Variants in SPIDR observed in about 807,000 individuals in gnomAD.
SPIDR encodes the protein scaffold protein involved in DNA repair.
In SPIDR, 93 loss-of-function variants were observed where a neutral mutation model predicts 104.6. The ratio of observed to expected loss-of-function variants is 0.89; its 90% CI spans 0.75 to 1.06. The LOEUF (loss-of-function observed/expected upper bound fraction) is 1.06, where lower values mean the gene tolerates loss of function less well. Among genes scored for constraint, SPIDR ranks in the 50% least tolerant of loss-of-function variants. The pLI, the probability that SPIDR is intolerant of heterozygous loss-of-function variation, is 0.00. For missense variants in SPIDR, 1,154 were observed against 1,111.2 expected (o/e 1.04, Z -0.55); for synonymous variants, 431 against 416.9 (o/e 1.03, Z -0.41).
At chr8:47,579,230 A>G (rs932666026) in intron 8 of SPIDR, among the ~76,000 whole-genome samples, 1 of 152,226 alleles carries the variant, frequency 6.6e-6, no homozygotes, top group Non-Finnish European at 1.5e-5. Context: ...CCAAAGTCAC[A>G]AACAGAGGTG....
chr8:47,679,573 T>G (rs1376092234), intron 11 of SPIDR, among the ~76,000 whole-genome samples: 9 of 137,358 alleles, frequency 6.6e-5, no homozygotes, highest in Non-Finnish European at 7.8e-5. Context: ...GCCTGTGCCA[T>G]GTGCCCGCCT....
intron 7 of SPIDR, among the ~76,000 whole-genome samples, chr8:47,429,371 C>T (rs1021498719): frequency 6.6e-6 from 1 of 152,152 alleles, no homozygotes; most frequent in Non-Finnish European, 1.5e-5. Context: ...CCCCCACCTC[C>T]GTGTGCACAG....
intron 8 of SPIDR, among the ~76,000 whole-genome samples, chr8:47,519,603 C>T (rs905332706): frequency 1.3e-5 from 2 of 152,064 alleles, no homozygotes; most frequent in African/African-American, 4.8e-5. Context: ...GGCAATATGG[C>T]GAGACCCTGT....
Position 47,616,836 on chromosome 8 carries a change from A to T in SPIDR, c.1544+17640A>T, listed in dbSNP as rs189738652. 2.6e-5 allele frequency among the ~76,000 whole-genome samples: 4 copies of T among 152,330 alleles called. No homozygotes were observed. The East Asian group carries it at 7.7e-4, about 29-fold the overall frequency. On this transcript the variant is annotated intron_variant, in intron 10 of 19. Transcript: ENST00000297423. ...GTCACAATATTATTCACTGAAGTTC[A>T]TACTTTATTTAAATCTCCTTAGATT...
At chr8:47,727,329 C>G in intron 17 of SPIDR, 36 bp downstream of exon 17, 1 of 1,598,222 alleles carries the variant, frequency 6.3e-7, no homozygotes. Context: ...AGCCCTAGAA[C>G]TGAAAGGGCA....
rs900632781 is a variant in SPIDR, at chr8:47,596,784, G to A, written c.1293+778G>A. Among the ~76,000 whole-genome samples the A allele has an allele frequency of 2.6e-5, 4 of 151,808 alleles. No individual in the cohort carries two copies. The East Asian group carries it at 7.7e-4, about 29-fold the overall frequency. ...ACTTAGCTTACAACACAAATACATT[G>A]TACAGCTATAAAAAATATTTTTTCT... On this transcript the variant is annotated intron_variant, in intron 9 of 19. Coordinates refer to ENST00000297423, the MANE Select transcript of SPIDR (RefSeq NM_001080394.4).
At position 47,286,883 on chromosome 8, in the gene SPIDR, C is replaced by T. The variant is rs982073218; in HGVS notation, c.256+2789C>T. On this transcript the variant is annotated intron_variant, in intron 3 of 19. Coordinates refer to ENST00000297423, the MANE Select transcript of SPIDR (RefSeq NM_001080394.4). Reference sequence around the variant, plus strand: ...GTATATATCTTTCTGTTTGTTCTTTCATGTTCTTTTGAAGTCTTCTAAAAA... The same window carrying T: ...GTATATATCTTTCTGTTTGTTCTTTTATGTTCTTTTGAAGTCTTCTAAAAA... Among the ~76,000 whole-genome samples, 125 of 152,276 alleles carry T rather than the reference C, an allele frequency of 8.2e-4. 1 individual carries two copies. The highest frequency in any genetic ancestry group is 3.4e-3 in the Middle Eastern group (1 of 294).
At chr8:47,367,795 T>C (rs1367021258) in intron 5 of SPIDR, among the ~76,000 whole-genome samples, 1 of 152,184 alleles carries the variant, frequency 6.6e-6, no homozygotes, top group African/African-American at 2.4e-5. Flanking sequence ...GTTTTCAGCC[T>C]GAATGTATTC....
chr8:47,354,953 T>C (rs1261882546), intron 5 of SPIDR, among the ~76,000 whole-genome samples: 1 of 151,784 alleles, frequency 6.6e-6, no homozygotes, highest in Non-Finnish European at 1.5e-5. Flanking sequence ...CTAATGAAGG[T>C]TTTTTGTTTT....
chr8:47,361,077 T>A (rs1444831069), intron 5 of SPIDR: 3 of 760,732 alleles, frequency 3.9e-6, no homozygotes, highest in Non-Finnish European at 4.8e-6. Flanking sequence ...ATGACCACAG[T>A]TACTTAAAAG....
chr8:47,715,141 T>C (rs565770584), intron 16 of SPIDR, among the ~76,000 whole-genome samples: 1 of 152,176 alleles, frequency 6.6e-6, no homozygotes, highest in South Asian at 2.1e-4. Flanking sequence ...TTCTATGAAT[T>C]TGCCTGTTCT....
At chr8:47,275,849 G>A (rs1351658972) in intron 1 of SPIDR, among the ~76,000 whole-genome samples, 2 of 151,850 alleles carry the variant, frequency 1.3e-5, no homozygotes, top group African/African-American at 4.8e-5. Context: ...TTTTGTTTTT[G>A]TTTTTGTTTT....
intron 8 of SPIDR, among the ~76,000 whole-genome samples, chr8:47,447,374 C>T (rs1436053363): frequency 3.3e-5 from 5 of 151,878 alleles, no homozygotes; most frequent in South Asian, 2.1e-4. Flanking sequence ...CCACCACACA[C>T]GGCTAATTTT....
At chr8:47,305,052 A>G (rs1029211117) in intron 5 of SPIDR, among the ~76,000 whole-genome samples, 21 of 152,376 alleles carry the variant, frequency 1.4e-4, no homozygotes, top group African/African-American at 4.6e-4. Context: ...CAGCCTCCAT[A>G]ACTATGAGAA....
chr8:47,563,865 T>G (rs1355722629), intron 8 of SPIDR, among the ~76,000 whole-genome samples: 1 of 152,142 alleles, frequency 6.6e-6, no homozygotes, highest in East Asian at 1.9e-4. Flanking sequence ...TTGTTGGAAG[T>G]AAGAGAGAGG....
chr8:47,368,022 G>A (rs2057451194), intron 5 of SPIDR, among the ~76,000 whole-genome samples: 1 of 152,220 alleles, frequency 6.6e-6, no homozygotes, highest in Admixed American at 6.5e-5. Context: ...CACAGTTCTG[G>A]AGGCTGGGAA....
chr8:47,650,999 C>A (rs2071507869), intron 10 of SPIDR, among the ~76,000 whole-genome samples: 1 of 152,108 alleles, frequency 6.6e-6, no homozygotes, highest in Non-Finnish European at 1.5e-5. Flanking sequence ...CATAAAAATT[C>A]TAGAAGATAA....
At chr8:47,658,050 GAAAA>G (rs1279556200) in intron 10 of SPIDR, among the ~76,000 whole-genome samples, 6 of 124,602 alleles carry the variant, frequency 4.8e-5, no homozygotes, top group African/African-American at 9.0e-5. Context: ...AAAAAAAAAA[GAAAA>G]AGAAAAAGAA....
intron 5 of SPIDR, among the ~76,000 whole-genome samples, chr8:47,318,093 A>G (rs1440847691): frequency 1.3e-5 from 2 of 152,218 alleles, no homozygotes; most frequent in East Asian, 3.9e-4. Context: ...AGCTGGACGG[A>G]GAGTGACTTT....
Sources: allele counts gnomAD v4.1 joint callset (sites outside exome capture counted in the v4.1 genomes callset), GRCh38; gene constraint gnomAD v4.1.1; transcripts MANE v1.5; gene names NCBI Gene and HGNC (gene_info 2026-07-23, HGNC 2026-07-21).